The following SGCD variants were observed in gnomAD, a reference collection of about 807,000 sequenced individuals.
The protein encoded by SGCD is sarcoglycan delta.
Under a neutral mutation model 36.6 loss-of-function variants are expected in SGCD, and 18 were observed. The observed-to-expected ratio is 0.49, with a 90% confidence interval of 0.34 to 0.73. The LOEUF (loss-of-function observed/expected upper bound fraction) is 0.73. Among genes scored for constraint, SGCD ranks in the 30% least tolerant of loss-of-function variants. SGCD has a pLI of 0.01. For missense variants in SGCD, 387 were observed against 346.7 expected (o/e 1.12, Z -0.92); for synonymous variants, 133 against 130.6 (o/e 1.02, Z -0.12).
chr5:156,742,032 C>A lies in SGCD; in HGVS notation c.576-15549C>A, dbSNP rs973730023. 2.0e-5 allele frequency among the ~76,000 whole-genome samples: 3 copies of A among 152,110 alleles called. No individual in the cohort carries two copies. The East Asian group carries it at 5.8e-4, about 29-fold the overall frequency. On this transcript the variant is annotated intron_variant, in intron 7 of 8. Coordinates refer to ENST00000337851, the MANE Select transcript of SGCD (RefSeq NM_000337.6). ...CTGGGACAACAGGCACCCACCACCACGCCTGGCTAATTTTTTGTATTTTTA... is the reference window on the plus strand; with the variant it reads ...CTGGGACAACAGGCACCCACCACCAAGCCTGGCTAATTTTTTGTATTTTTA...
intron 1 of SGCD, among the ~76,000 whole-genome samples, chr5:155,872,457 T>C (rs1034238389): frequency 1.3e-5 from 2 of 152,176 alleles, no homozygotes. Flanking sequence ...TATTTTAATG[T>C]GAGAAACTTA....
intron 4 of SGCD, among the ~76,000 whole-genome samples, chr5:156,578,027 T>A (rs1760056631): frequency 6.6e-6 from 1 of 152,194 alleles, no homozygotes; most frequent in Admixed American, 6.5e-5. Flanking sequence ...TTTTGCCCAT[T>A]TAGTATGATA....
chr5:156,270,174 T>G (rs2127669322), intron 3 of SGCD, among the ~76,000 whole-genome samples: 1 of 152,322 alleles, frequency 6.6e-6, no homozygotes, highest in South Asian at 2.1e-4. Context: ...GATCAGATGG[T>G]CATAGCTGTG....
At position 156,120,966 on chromosome 5, in the gene SGCD, G is replaced by A. The variant is rs368814410; in HGVS notation, c.-207-2890G>A. 4.7e-4 allele frequency among the ~76,000 whole-genome samples: 72 copies of A among 152,160 alleles called. 2 individuals are homozygous for A. In the South Asian group the frequency reaches 0.013, roughly 28 times the overall value. On this transcript the variant is annotated intron_variant, in intron 2 of 9. Coordinates refer to the SGCD transcript ENST00000517913. ...AGGCCAAGATCATCCTCAAATTGCCGGGTACGAGAAAGCAGACAATAAATG... is the reference window on the plus strand; with the variant it reads ...AGGCCAAGATCATCCTCAAATTGCCAGGTACGAGAAAGCAGACAATAAATG...
intron 1 of SGCD, among the ~76,000 whole-genome samples, chr5:156,054,669 G>A (rs1309752936): frequency 6.8e-6 from 1 of 146,650 alleles, no homozygotes; most frequent in East Asian, 1.9e-4. Flanking sequence ...CAATATTAAT[G>A]TATTTTCAGA....
chr5:156,725,024 G>A (rs1755702813), intron 7 of SGCD, among the ~76,000 whole-genome samples: 1 of 152,208 alleles, frequency 6.6e-6, no homozygotes. Flanking sequence ...CATCAGAAAT[G>A]GAATCCTAGG....
intron 1 of SGCD, among the ~76,000 whole-genome samples, chr5:156,006,766 T>C (rs762825094): frequency 3.9e-5 from 6 of 152,316 alleles, no homozygotes; most frequent in Middle Eastern, 3.4e-3. Flanking sequence ...TATAGGGTTG[T>C]CATTAAATAC....
chr5:156,735,848 T>G (rs283097), intron 7 of SGCD, among the ~76,000 whole-genome samples: 66,108 of 151,858 alleles, frequency 0.44, 14,628 homozygotes, highest in East Asian at 0.6. Context: ...AAAACCAGAG[T>G]ATCTAAAGTT....
intron 3 of SGCD, among the ~76,000 whole-genome samples, chr5:156,192,481 G>T (rs1763915467): frequency 6.6e-6 from 1 of 152,068 alleles, no homozygotes; most frequent in African/African-American, 2.4e-5. Flanking sequence ...GTGTATGGGG[G>T]TACAGGAGGG....
At chr5:156,649,916 A>G (rs1215835037) in intron 7 of SGCD, among the ~76,000 whole-genome samples, 1 of 152,066 alleles carries the variant, frequency 6.6e-6, no homozygotes, top group African/African-American at 2.4e-5. Flanking sequence ...TATTTTTTCT[A>G]TGGAACAAAG....
chr5:156,550,784 A>G (rs1758762277), intron 4 of SGCD, among the ~76,000 whole-genome samples: 1 of 152,204 alleles, frequency 6.6e-6, no homozygotes, highest in African/African-American at 2.4e-5. Context: ...TGCACAAAAG[A>G]AAGTCATTTA....
At chr5:155,984,771 T>C (rs770248890) in intron 1 of SGCD, among the ~76,000 whole-genome samples, 6 of 152,158 alleles carry the variant, frequency 3.9e-5, no homozygotes, top group Non-Finnish European at 8.8e-5. Context: ...GAAACACCCC[T>C]CCACCAGAAC....
intron 3 of SGCD, among the ~76,000 whole-genome samples, chr5:156,177,088 G>T (rs147967246): frequency 6.6e-6 from 1 of 152,138 alleles, no homozygotes; most frequent in African/African-American, 2.4e-5. Flanking sequence ...TGCAACCTCC[G>T]CCTCCTGGGT....
intron 3 of SGCD, among the ~76,000 whole-genome samples, chr5:156,434,636 T>C (rs558126155): frequency 1.3e-5 from 2 of 152,292 alleles, no homozygotes; most frequent in African/African-American, 4.8e-5. Flanking sequence ...AGGGTGGGGA[T>C]TGGCCTGTCA....
intron 3 of SGCD, among the ~76,000 whole-genome samples, chr5:156,240,642 C>G (rs1765282427): frequency 6.6e-6 from 1 of 152,014 alleles, no homozygotes; most frequent in African/African-American, 2.4e-5. Context: ...AGAATACATG[C>G]TTAGGAACAT....
intron 3 of SGCD, among the ~76,000 whole-genome samples, chr5:156,380,288 T>G (rs1396406999): frequency 2.0e-5 from 3 of 152,178 alleles, no homozygotes; most frequent in African/African-American, 7.2e-5. Flanking sequence ...AAAGGAGACG[T>G]TGAAATGCTA....
At chr5:156,318,189 G>C (rs1353133868) in intron 3 of SGCD, among the ~76,000 whole-genome samples, 2 of 152,130 alleles carry the variant, frequency 1.3e-5, no homozygotes, top group Non-Finnish European at 2.9e-5. Context: ...TTTAGCATGA[G>C]AAATAGTATC....
At chr5:156,041,685 C>T (rs1032132025) in intron 1 of SGCD, among the ~76,000 whole-genome samples, 1 of 152,134 alleles carries the variant, frequency 6.6e-6, no homozygotes, top group Non-Finnish European at 1.5e-5. Context: ...TATAAAATGA[C>T]AAACCTTTGA....
chr5:155,731,811 G>A, the SGCD span, among the ~76,000 whole-genome samples: 4 of 152,146 alleles, frequency 2.6e-5, no homozygotes, highest in Non-Finnish European at 1.5e-5. Context: ...ATAGGGACCG[G>A]AATGTGCTAC....
Sources: allele counts gnomAD v4.1 joint callset (sites outside exome capture counted in the v4.1 genomes callset), GRCh38; gene constraint gnomAD v4.1.1; transcripts MANE v1.5; gene names NCBI Gene and HGNC (gene_info 2026-07-23, HGNC 2026-07-21).